The following PPIL6 variants were observed in gnomAD, a reference collection of about 807,000 sequenced individuals.
The protein encoded by PPIL6 is peptidylprolyl isomerase like 6.
A neutral mutation model predicts 36.8 loss-of-function variants in PPIL6; 39 were observed. The observed-to-expected ratio is 1.06, with a 90% CI of 0.82 to 1.38. The LOEUF (loss-of-function observed/expected upper bound fraction) is 1.38. Among genes scored for constraint, PPIL6 ranks in the 40% most tolerant of loss-of-function variants. PPIL6 has a pLI of 0.00. For missense variants in PPIL6, 368 were observed against 379.1 expected, an observed-to-expected ratio of 0.97 and a Z score of 0.24; for synonymous variants, 123 against 134.1, an observed-to-expected ratio of 0.92 and a Z score of 0.57.
intron 7 of PPIL6, among the ~76,000 whole-genome samples, chr6:109,398,204 A>C (rs1772381477): frequency 6.6e-6 from 1 of 152,244 alleles, no homozygotes; most frequent in African/African-American, 2.4e-5. Context: ...AACTAATTTA[A>C]TAATGCATTT....
intron 6 of PPIL6, among the ~76,000 whole-genome samples, chr6:109,408,364 C>T (rs1772883517): frequency 1.3e-5 from 2 of 152,070 alleles, no homozygotes; most frequent in Non-Finnish European, 2.9e-5. Context: ...GAAAATATGT[C>T]TTGGTGTTGG....
At chr6:109,403,163 A>G in intron 6 of PPIL6, 1 of 1,289,202 alleles carries the variant, frequency 7.8e-7, no homozygotes, top group East Asian at 2.6e-5. Flanking sequence ...TTTTTAGAGA[A>G]GGCATCTTGC....
chr6:109,409,660 T>C (rs1772938752), intron 6 of PPIL6, among the ~76,000 whole-genome samples: 1 of 151,972 alleles, frequency 6.6e-6, no homozygotes, highest in African/African-American at 2.4e-5. Context: ...AAAAGTCTAT[T>C]AGAACTGATA....
Position 109,431,234 on chromosome 6 carries a change from T to TA in PPIL6, c.342dup (p.Ile115TyrfsTer3), listed in dbSNP as rs1452159290. 8.7e-6 allele frequency: 14 copies of TA among 1,613,908 alleles called. No individual in the cohort carries two copies. The highest frequency in any genetic ancestry group is 1.2e-5 in the Non-Finnish European group (14 of 1,179,894). On this transcript the variant is annotated frameshift_variant, in exon 3 of 8. Coordinates refer to ENST00000521072, the MANE Select transcript of PPIL6 (RefSeq NM_173672.5). LOFTEE classifies it high-confidence loss of function. ...AGTGCAGAGGGTTTAATGTCAACTATATCCCACACCTCGTGGGCCCATTTC... is the reference window on the plus strand; with the variant it reads ...AGTGCAGAGGGTTTAATGTCAACTATAATCCCACACCTCGTGGGCCCATTTC...
intron 6 of PPIL6, among the ~76,000 whole-genome samples, chr6:109,411,245 C>T (rs1282857465): frequency 6.6e-6 from 1 of 152,124 alleles, no homozygotes; most frequent in African/African-American, 2.4e-5. Flanking sequence ...GGACTAGCAG[C>T]ACCCCGGGGC....
At chr6:109,412,325 CAAT>C (rs2115223835) in intron 6 of PPIL6, among the ~76,000 whole-genome samples, 1 of 152,248 alleles carries the variant, frequency 6.6e-6, no homozygotes, top group South Asian at 2.1e-4. Context: ...ACTGCCTGTT[CAAT>C]AAAGCTGTTT....
intron 6 of PPIL6, among the ~76,000 whole-genome samples, chr6:109,409,681 G>C (rs1471040896): frequency 2.6e-5 from 4 of 151,940 alleles, no homozygotes; most frequent in African/African-American, 9.7e-5. Context: ...AATAAATTTA[G>C]TAAAGTTGCA....
intron 2 of PPIL6, among the ~76,000 whole-genome samples, chr6:109,434,674 A>G (rs984946224): frequency 6.6e-6 from 1 of 152,152 alleles, no homozygotes; most frequent in African/African-American, 2.4e-5. Context: ...TCCTTGTGCA[A>G]CCCAGCACAG....
chr6:109,437,534 C>T (rs1582608440), intron 1 of PPIL6, among the ~76,000 whole-genome samples: 2 of 148,406 alleles, frequency 1.3e-5, no homozygotes, highest in South Asian at 4.3e-4. Context: ...TGCAGGTTGA[C>T]TACTATTTCT....
At chr6:109,414,500 T>TG (rs1562262601) in intron 6 of PPIL6, among the ~76,000 whole-genome samples, 2 of 121,388 alleles carry the variant, frequency 1.6e-5, no homozygotes, top group Non-Finnish European at 3.2e-5. Context: ...TTTTTTTTTT[T>TG]TTGAGACAAG....
chr6:109,415,801 A>G (rs1347905867), intron 6 of PPIL6, among the ~76,000 whole-genome samples: 1 of 152,152 alleles, frequency 6.6e-6, no homozygotes, highest in Non-Finnish European at 1.5e-5. Context: ...AAAGGTCCTT[A>G]TGACCCCCTG....
intron 5 of PPIL6, among the ~76,000 whole-genome samples, chr6:109,420,071 C>T (rs1192219981): frequency 1.3e-5 from 2 of 151,880 alleles, no homozygotes; most frequent in Admixed American, 6.6e-5. Flanking sequence ...CGCGGTGACA[C>T]ACCTGTAATC....
rs1297342302 is a variant in PPIL6, at chr6:109,400,119, T to C, written c.740A>G (p.Asn247Ser). 1.6e-5 allele frequency: 26 copies of C among 1,613,654 alleles called. No individual in the cohort carries two copies. The highest frequency in any genetic ancestry group is 5.3e-5 in the African/African-American group (4 of 74,930). ...TGACCCGTTGCTGTGACGGCCTTTG[T>C]TGGCCATTCCAAGTACTCCTCTTTT... ...HNKRGVLGMA[N>S]KGRHSNGSQF... The change falls in exon 7 of 8, where the codon AAC (asparagine) becomes AGC (serine). Residue 247 changes from asparagine (N) to serine (S), a missense_variant. Transcript: ENST00000521072.
chr6:109,412,079 G>A (rs1339177849), intron 6 of PPIL6, among the ~76,000 whole-genome samples: 1 of 152,242 alleles, frequency 6.6e-6, no homozygotes, highest in African/African-American at 2.4e-5. Flanking sequence ...CCATCAATGT[G>A]CCATGTCAAT....
chr6:109,400,803 A>G (rs1285569563), intron 6 of PPIL6, among the ~76,000 whole-genome samples: 1 of 152,194 alleles, frequency 6.6e-6, no homozygotes, highest in Non-Finnish European at 1.5e-5. Flanking sequence ...CATGTAGTTT[A>G]AAAATGTTGA....
chr6:109,410,576 C>G (rs188588423), intron 6 of PPIL6, among the ~76,000 whole-genome samples: 1 of 152,112 alleles, frequency 6.6e-6, no homozygotes, highest in African/African-American at 2.4e-5. Flanking sequence ...CCCCACTTAA[C>G]GGATTCCACT....
intron 3 of PPIL6, among the ~76,000 whole-genome samples, chr6:109,428,057 TA>T (rs1773917414): frequency 6.6e-6 from 1 of 152,224 alleles, no homozygotes; most frequent in African/African-American, 2.4e-5. Flanking sequence ...TTTCAAGTTA[TA>T]TTCAATAATA....
chr6:109,398,578 A>G (rs1312902221), intron 7 of PPIL6, among the ~76,000 whole-genome samples: 3 of 152,240 alleles, frequency 2.0e-5, no homozygotes, highest in Non-Finnish European at 4.4e-5. Context: ...GAAACACTGG[A>G]GTGATGAAAA....
intron 5 of PPIL6, among the ~76,000 whole-genome samples, 175 bp from the exon 6 acceptor site, chr6:109,419,418 TAA>T (rs367886820): frequency 1.2e-4 from 17 of 140,390 alleles, no homozygotes; most frequent in Admixed American, 1.4e-4. Context: ...CCATCTCGAT[TAA>T]AAAAAAAAAA....
Sources: gnomAD v4.1 joint callset for allele counts (sites outside exome capture counted in the v4.1 genomes callset) on GRCh38, gnomAD v4.1.1 for gene constraint, MANE v1.5 for transcripts, NCBI Gene and HGNC (gene_info 2026-07-23, HGNC 2026-07-21) for gene names.